Variants in PRIM2 observed in about 807,000 individuals in gnomAD.
The protein encoded by PRIM2 is DNA primase large subunit.
In PRIM2, 39 loss-of-function variants were observed where a neutral mutation model predicts 67.3. The ratio of observed to expected loss-of-function variants is 0.58; its 90% CI spans 0.45 to 0.76. The LOEUF (loss-of-function observed/expected upper bound fraction) is 0.76. PRIM2 is among the 30% of genes least tolerant of loss of function. The pLI is 0.00. For synonymous variants in PRIM2, 143 were observed against 198.7 expected (o/e 0.72, Z 2.36); for missense variants, 398 against 598.7 (o/e 0.66, Z 3.50).
intron 3 of PRIM2, among the ~76,000 whole-genome samples, chr6:57,321,745 A>G (rs763258928): frequency 1.3e-5 from 2 of 152,208 alleles, no homozygotes; most frequent in Non-Finnish European, 2.9e-5. Context: ...TAAGTGCATT[A>G]CATATATTAA....
chr6:57,456,549 C>G (rs1192064924), intron 7 of PRIM2, among the ~76,000 whole-genome samples: 1 of 152,208 alleles, frequency 6.6e-6, no homozygotes, highest in African/African-American at 2.4e-5. Context: ...TTTTCCATCA[C>G]TAATACCCTT....
the PRIM2 span, among the ~76,000 whole-genome samples, chr6:57,228,142 G>C: frequency 6.6e-6 from 1 of 152,140 alleles, no homozygotes; most frequent in Non-Finnish European, 1.5e-5. Flanking sequence ...CAAAACTAGA[G>C]TTAGAAGCCA....
chr6:57,575,524 G>A (rs1775947367), intron 10 of PRIM2, among the ~76,000 whole-genome samples: 1 of 152,168 alleles, frequency 6.6e-6, no homozygotes, highest in South Asian at 2.1e-4. Context: ...ATGTGCTATT[G>A]AGGGACTCTG....
chr6:57,456,904 C>T (rs1229420408), intron 7 of PRIM2, among the ~76,000 whole-genome samples: 2 of 152,038 alleles, frequency 1.3e-5, no homozygotes, highest in South Asian at 2.1e-4. Flanking sequence ...CTGTTTTTTC[C>T]CCATCTTTGT....
chr6:57,615,420 CAA>C (rs1159988256), intron 12 of PRIM2, among the ~76,000 whole-genome samples: 48,244 of 106,682 alleles, frequency 0.45, 8,070 homozygotes, highest in East Asian at 0.65. Context: ...GATTCTGTCT[CAA>C]AAAAAAAAAA....
At chr6:57,495,118 G>A (rs1183066610) in intron 7 of PRIM2, among the ~76,000 whole-genome samples, 1 of 152,138 alleles carries the variant, frequency 6.6e-6, no homozygotes, top group Non-Finnish European at 1.5e-5. Context: ...AGTTTAAGAA[G>A]CTCCCTTTAG....
intron 7 of PRIM2, among the ~76,000 whole-genome samples, chr6:57,469,477 TGAA>T (rs1339960714): frequency 2.0e-5 from 3 of 152,280 alleles, no homozygotes; most frequent in Admixed American, 1.3e-4. Flanking sequence ...GTGGAAAACT[TGAA>T]GAAGCAGGTA....
chr6:57,640,503 A>C (rs1231876338), intron 13 of PRIM2, among the ~76,000 whole-genome samples: 1 of 152,208 alleles, frequency 6.6e-6, no homozygotes, highest in East Asian at 1.9e-4. Flanking sequence ...ATCTCAGCCC[A>C]AAAACTTCAC....
chr6:57,306,848 T>A, the PRIM2 span, among the ~76,000 whole-genome samples: 1 of 152,184 alleles, frequency 6.6e-6, no homozygotes, highest in East Asian at 1.9e-4. Context: ...AAAAAACTTT[T>A]ATAAAAATGC....
chr6:57,638,599 A>AT, intron 13 of PRIM2, among the ~76,000 whole-genome samples: 1 of 146,062 alleles, frequency 6.8e-6, no homozygotes, highest in Non-Finnish European at 1.5e-5. Flanking sequence ...AAAAAAAAAA[A>AT]GCAGGGATTG....
At chr6:57,311,196 C>A (rs1208902130), upstream of PRIM2, among the ~76,000 whole-genome samples, 1 of 134,718 alleles carries the variant, frequency 7.4e-6, no homozygotes, top group African/African-American at 2.8e-5. Flanking sequence ...CGCCCCTCAC[C>A]TCCCAGACGG....
rs537978548 is a variant in PRIM2 at position 57,404,872 on chromosome 6, A to G, written c.693+22704A>G. On this transcript the variant is annotated intron_variant, in intron 7 of 13. Coordinates refer to ENST00000615550, the MANE Select transcript of PRIM2 (RefSeq NM_000947.5). Reference sequence around the variant, plus strand: ...TTTTTCTCTTTCCTCATTCATGGAAAAGATCAGACCCCCTATACTTTTTAT... The same window carrying G: ...TTTTTCTCTTTCCTCATTCATGGAAGAGATCAGACCCCCTATACTTTTTAT... Among the ~76,000 whole-genome samples the G allele has an allele frequency of 2.8e-3, 400 of 145,424 alleles. 1 individual carries two copies. The East Asian group carries it at 0.055, about 20-fold the overall frequency.
intron 12 of PRIM2, among the ~76,000 whole-genome samples, chr6:57,620,046 G>A (rs1776823736): frequency 6.6e-6 from 1 of 151,994 alleles, no homozygotes; most frequent in Admixed American, 6.6e-5. Context: ...AATGCAAAAA[G>A]TTAGCTGGGC....
chr6:57,250,518 A>T, the PRIM2 span, among the ~76,000 whole-genome samples: 1 of 152,232 alleles, frequency 6.6e-6, no homozygotes, highest in Non-Finnish European at 1.5e-5. Context: ...ATCGGGGGGT[A>T]TGAAAAACAT....
chr6:57,596,840 TTTG>T (rs1218244163), intron 10 of PRIM2, among the ~76,000 whole-genome samples: 3 of 152,118 alleles, frequency 2.0e-5, no homozygotes, highest in East Asian at 1.9e-4. Context: ...TTTCTCAGTC[TTTG>T]TTGTTGTTGT....
intron 11 of PRIM2, among the ~76,000 whole-genome samples, chr6:57,603,591 G>A (rs1776509142): frequency 6.6e-6 from 1 of 151,944 alleles, no homozygotes; most frequent in African/African-American, 2.4e-5. Context: ...TAGCCTTATA[G>A]TATAGTTTGG....
the PRIM2 span, among the ~76,000 whole-genome samples, chr6:57,242,204 CTT>C: frequency 6.6e-6 from 1 of 152,116 alleles, no homozygotes; most frequent in Admixed American, 6.5e-5. Context: ...GTAAATAATT[CTT>C]TCTTTCTTCC....
chr6:57,315,129 C>T (rs919781483), upstream of PRIM2, among the ~76,000 whole-genome samples: 1 of 152,146 alleles, frequency 6.6e-6, no homozygotes, highest in Non-Finnish European at 1.5e-5. Context: ...CTGGCTACTT[C>T]GTCTTTTAAT....
chr6:57,413,003 A>G (rs550693516), intron 7 of PRIM2, among the ~76,000 whole-genome samples: 2 of 152,234 alleles, frequency 1.3e-5, no homozygotes, highest in Non-Finnish European at 2.9e-5. Flanking sequence ...AAGAACCTCA[A>G]TGCTTGTAAG....
Sources: gnomAD v4.1 joint callset for allele counts (sites outside exome capture counted in the v4.1 genomes callset) on GRCh38, gnomAD v4.1.1 for gene constraint, MANE v1.5 for transcripts, NCBI Gene and HGNC (gene_info 2026-07-23, HGNC 2026-07-21) for gene names.